Variants in NFIB observed in about 807,000 individuals in gnomAD.
NFIB encodes the protein nuclear factor I B, also known as nuclear factor 1 B-type.
NFIB carries 11 observed loss-of-function variants against 61.5 expected under a neutral mutation model. The ratio of observed to expected loss-of-function variants is 0.18; its 90% CI spans 0.11 to 0.30. NFIB has a LOEUF of 0.30. NFIB is among the 10% of genes least tolerant of loss of function. NFIB has a pLI of 1.00. For missense variants in NFIB, 471 were observed against 608.9 expected, an observed-to-expected ratio of 0.77 and a Z score of 2.38; for synonymous variants, 260 against 216.5, an observed-to-expected ratio of 1.20 and a Z score of -1.76.
At chr9:14,176,108 C>G (rs1053224020) in intron 3 of NFIB, among the ~76,000 whole-genome samples, 1 of 152,068 alleles carries the variant, frequency 6.6e-6, no homozygotes, top group Non-Finnish European at 1.5e-5. Context: ...CTAAAAGTAG[C>G]AGTGGAGTTT....
intron 2 of NFIB, among the ~76,000 whole-genome samples, chr9:14,183,878 G>A (rs1235020042): frequency 1.3e-5 from 2 of 151,822 alleles, no homozygotes; most frequent in Non-Finnish European, 2.9e-5. Context: ...TTCTTTAAGT[G>A]TGGGTTAAAC....
At chr9:14,110,884 G>C (rs2037251972) in intron 10 of NFIB, among the ~76,000 whole-genome samples, 1 of 152,022 alleles carries the variant, frequency 6.6e-6, no homozygotes, top group South Asian at 2.1e-4. Context: ...GCATATATGG[G>C]CTTCTTCAAA....
chr9:14,316,104 CAGTGACTTTTTCCTTCACCA>C (rs2060532916), upstream of NFIB, among the ~76,000 whole-genome samples: 1 of 152,202 alleles, frequency 6.6e-6, no homozygotes, highest in South Asian at 2.1e-4. Context: ...CTGGAGGAAC[CAGTGACTTTTTCCTTCACCA>C]AGTGGGAGTT....
chr9:14,354,544 C>T (rs564950271), intron 1 of NFIB, among the ~76,000 whole-genome samples: 3 of 152,254 alleles, frequency 2.0e-5, no homozygotes, highest in East Asian at 1.9e-4. Context: ...TTTGAGAGTA[C>T]GGTCTCTCTA....
Position 14,370,050 on chromosome 9 carries a change from G to A in NFIB, c.108+28474C>T, listed in dbSNP as rs74866503. Among the ~76,000 whole-genome samples the A allele has an allele frequency of 0.015, 2,357 of 152,256 alleles. 134 individuals carry two copies. The East Asian group carries it at 0.18, about 12-fold the overall frequency. On this transcript the variant is annotated intron_variant, in intron 1 of 8. Transcript: ENST00000380934. ...CTCACCTTGTATGTTCTTGGCTTTA[G>A]CTATTTTGAACCATTCGCCATCTCC...
the NFIB span, among the ~76,000 whole-genome samples, chr9:14,437,293 A>G: frequency 6.6e-6 from 1 of 152,224 alleles, no homozygotes; most frequent in South Asian, 2.1e-4. Context: ...TATTATAGTT[A>G]TCTTTTATGT....
chr9:14,217,393 G>T (rs2051045863), intron 2 of NFIB, among the ~76,000 whole-genome samples: 3 of 152,118 alleles, frequency 2.0e-5, no homozygotes, highest in African/African-American at 7.2e-5. Flanking sequence ...GGGCGCGGTG[G>T]CTCACGTCTG....
intron 2 of NFIB, among the ~76,000 whole-genome samples, chr9:14,189,767 A>G (rs567717033): frequency 6.7e-6 from 1 of 150,220 alleles, no homozygotes; most frequent in East Asian, 1.9e-4. Flanking sequence ...TTCCTGGCAC[A>G]TACTAGATGC....
intron 1 of NFIB, among the ~76,000 whole-genome samples, chr9:14,330,198 T>A (rs928727864): frequency 6.6e-6 from 1 of 152,138 alleles, no homozygotes; most frequent in African/African-American, 2.4e-5. Context: ...GGGAGGATGA[T>A]CACTTTATGG....
intron 1 of NFIB, among the ~76,000 whole-genome samples, chr9:14,342,458 G>A (rs541609125): frequency 6.6e-6 from 1 of 151,896 alleles, no homozygotes; most frequent in African/African-American, 2.4e-5. Context: ...ACGGGAGGCA[G>A]GGAGGAGGGA....
the NFIB span, among the ~76,000 whole-genome samples, chr9:14,489,423 T>C: frequency 5.9e-5 from 9 of 152,254 alleles, no homozygotes; most frequent in Non-Finnish European, 1.3e-4. Context: ...TGTGCCTTTC[T>C]TTGTACCTTT....
At chr9:14,433,312 C>A in the NFIB span, among the ~76,000 whole-genome samples, 1 of 152,136 alleles carries the variant, frequency 6.6e-6, no homozygotes, top group Non-Finnish European at 1.5e-5. Flanking sequence ...ATTGTTTGAG[C>A]CCCATTGTCT....
At chr9:14,416,304 A>T in the NFIB span, among the ~76,000 whole-genome samples, 1 of 152,184 alleles carries the variant, frequency 6.6e-6, no homozygotes, top group Non-Finnish European at 1.5e-5. Context: ...TTAAAAAGTT[A>T]ACTGTAAAAG....
chr9:14,502,801 T>C, the NFIB span, among the ~76,000 whole-genome samples: 1 of 152,114 alleles, frequency 6.6e-6, no homozygotes, highest in Non-Finnish European at 1.5e-5. Flanking sequence ...AGTTCTTTAG[T>C]GGTAATTTCT....
At chr9:14,104,450 A>C (rs190834540) in intron 10 of NFIB, among the ~76,000 whole-genome samples, 101 of 152,190 alleles carry the variant, frequency 6.6e-4, no homozygotes, top group African/African-American at 2.3e-3. Flanking sequence ...TTACTGTAAA[A>C]GTTTTAAAAG....
At chr9:14,253,190 T>C (rs1365351523) in intron 2 of NFIB, among the ~76,000 whole-genome samples, 2 of 152,244 alleles carry the variant, frequency 1.3e-5, no homozygotes, top group Non-Finnish European at 2.9e-5. Flanking sequence ...TCTTTGACTA[T>C]TCAACATGTC....
At chr9:14,443,267 C>G in the NFIB span, among the ~76,000 whole-genome samples, 50 of 152,126 alleles carry the variant, frequency 3.3e-4, no homozygotes, top group African/African-American at 1.2e-3. Flanking sequence ...CTACCCACCT[C>G]CATCCTCCAT....
In NFIB at chr9:14,088,007, C is replaced by G. The variant is rs897217458; in HGVS notation, c.*302G>C. ...TACCATCAGTGAAATATCATCGACCCTTTTTATGTCATTACAGTTTCAACC... is the reference window on the plus strand; with the variant it reads ...TACCATCAGTGAAATATCATCGACCGTTTTTATGTCATTACAGTTTCAACC... On this transcript the variant is annotated 3_prime_UTR_variant, in exon 11 of 11. Transcript: ENST00000380953. The G allele has an allele frequency of 2.4e-6, 1 of 411,820 alleles. No homozygotes were observed. The highest frequency in any genetic ancestry group is 2.0e-5 in the African/African-American group (1 of 48,868). 25.5% of individuals were successfully genotyped at this position (411,820 alleles called of 1,614,324 possible). A position where few individuals can be genotyped will look rare whatever the true frequency, so the allele number is the denominator to read the frequency against.
the NFIB span, among the ~76,000 whole-genome samples, chr9:14,485,004 G>A: frequency 6.6e-6 from 1 of 152,084 alleles, no homozygotes; most frequent in Non-Finnish European, 1.5e-5. Flanking sequence ...GACAGAGAGA[G>A]AGAGAAAGAG....
Sources: allele counts gnomAD v4.1 joint callset (sites outside exome capture counted in the v4.1 genomes callset), GRCh38; gene constraint gnomAD v4.1.1; transcripts MANE v1.5; gene names NCBI Gene and HGNC (gene_info 2026-07-23, HGNC 2026-07-21).